Variants in KLF12 observed in about 807,000 individuals in gnomAD.
KLF12 encodes the protein Krueppel-like factor 12.
KLF12 carries 9 observed loss-of-function variants against 37.8 expected under a neutral mutation model. The ratio of observed to expected loss-of-function variants is 0.24; its 90% CI spans 0.14 to 0.42. KLF12 has a LOEUF of 0.42. Ranked by LOEUF, KLF12 falls within the 10% of genes least tolerant of loss-of-function variation. The pLI is 1.00. For synonymous variants in KLF12, 208 were observed against 202.1 expected (o/e 1.03, Z -0.25); for missense variants, 411 against 516.0 (o/e 0.80, Z 1.97).
chr13:74,112,670 T>C (rs908092452), intron 1 of KLF12, among the ~76,000 whole-genome samples: 4 of 152,160 alleles, frequency 2.6e-5, no homozygotes, highest in African/African-American at 9.7e-5. Flanking sequence ...GTGTGTGTTC[T>C]TACTGCTCCA....
rs10637379 is a variant in KLF12 at position 74,112,204 on chromosome 13, C to CTGTGTG, written c.-32+21529_-32+21534dup. The stretch of plus-strand genomic sequence containing the variant: ...TAAACGTTTATGTGTGTGTGTGCAT[C>CTGTGTG]TGTGTGTGTGTGTGTGTGTATGATA... On this transcript the variant is annotated intron_variant, in intron 1 of 7. Transcript: ENST00000377669. 6.7e-5 allele frequency among the ~76,000 whole-genome samples: 10 copies of CTGTGTG among 149,376 alleles called. No homozygotes were observed. In the East Asian group the frequency reaches 1.2e-3, roughly 17 times the overall value.
chr13:73,696,266 T>C (rs1874143186), intron 7 of KLF12, among the ~76,000 whole-genome samples: 1 of 152,122 alleles, frequency 6.6e-6, no homozygotes, highest in Non-Finnish European at 1.5e-5. Context: ...CTAGATGCCT[T>C]AATAGTGTAA....
rs148391760 is a variant in KLF12 at position 74,112,021 on chromosome 13, T to C, written c.-32+21718A>G. On this transcript the variant is annotated intron_variant, in intron 1 of 7. Transcript: ENST00000377669. ...TAATATCTGTTCTTTATAGCAAAAA[T>C]ACATGACTCTTCTGCAAAAAGAAAA... Among the ~76,000 whole-genome samples the C allele has an allele frequency of 4.4e-4, 67 of 152,324 alleles. 1 individual carries two copies. The East Asian group carries it at 0.013, about 29-fold the overall frequency.
In KLF12 at chr13:73,687,336, C is replaced by CTTTTTGTTT. The variant is rs1873553620; in HGVS notation, c.*8153_*8154insAAACAAAAA. The CTTTTTGTTT allele has an allele frequency of 6.6e-6, 1 of 152,606 alleles. No homozygotes were observed. Among genetic ancestry groups the CTTTTTGTTT allele is most frequent in the Admixed American group, 6.5e-5 (1 of 15,282 alleles). 9.5% of individuals were successfully genotyped at this position (152,606 alleles called of 1,614,324 possible). A position where few individuals can be genotyped will look rare whatever the true frequency, so the allele number is the denominator to read the frequency against. On this transcript the variant is annotated 3_prime_UTR_variant, in exon 8 of 8. Transcript: ENST00000377669. ...CATGAACAAAACAATACAGTCACTACCCCACAGGGGGACAGTGATTTTTCA... is the reference window on the plus strand; with the variant it reads ...CATGAACAAAACAATACAGTCACTACTTTTTGTTTCCCACAGGGGGACAGTGATTTTTCA...
At chr13:74,204,219 T>C in the KLF12 span, among the ~76,000 whole-genome samples, 2 of 152,196 alleles carry the variant, frequency 1.3e-5, no homozygotes, top group Admixed American at 6.5e-5. Flanking sequence ...TTGCTTAGCA[T>C]TGTTGCACAA....
chr13:73,963,387 T>C (rs551052122), intron 2 of KLF12, among the ~76,000 whole-genome samples: 1 of 152,114 alleles, frequency 6.6e-6, no homozygotes, highest in East Asian at 1.9e-4. Context: ...ATTATTTGTA[T>C]GTCCCTGAAA....
At chr13:74,256,945 G>C in the KLF12 span, 1 of 152,024 alleles carries the variant, frequency 6.6e-6, no homozygotes. Context: ...GTTATTCCGT[G>C]ACATCTTATC....
At chr13:74,061,255 T>C (rs557421483) in intron 1 of KLF12, among the ~76,000 whole-genome samples, 1 of 152,274 alleles carries the variant, frequency 6.6e-6, no homozygotes, top group Non-Finnish European at 1.5e-5. Flanking sequence ...GGCCCTGATA[T>C]GTTAGGTAAC....
intron 1 of KLF12, among the ~76,000 whole-genome samples, chr13:74,063,312 A>T (rs1873718961): frequency 6.6e-6 from 1 of 152,192 alleles, no homozygotes; most frequent in Non-Finnish European, 1.5e-5. Flanking sequence ...ACTTAATGCA[A>T]ACGTTTCAAA....
At chr13:73,774,378 A>G (rs1259311738) in intron 5 of KLF12, among the ~76,000 whole-genome samples, 2 of 151,912 alleles carry the variant, frequency 1.3e-5, no homozygotes, top group Admixed American at 1.3e-4. Context: ...CTGAAAAATG[A>G]TGTACCTTAA....
chr13:74,279,165 T>TG, the KLF12 span, among the ~76,000 whole-genome samples: 13 of 152,036 alleles, frequency 8.6e-5, no homozygotes, highest in Non-Finnish European at 1.5e-4. Flanking sequence ...TAAAATCCCC[T>TG]GGGGGAGAGT....
chr13:73,994,589 C>G (rs1056846310), intron 2 of KLF12, among the ~76,000 whole-genome samples: 1 of 151,964 alleles, frequency 6.6e-6, no homozygotes, highest in African/African-American at 2.4e-5. Flanking sequence ...CTGCATTTGA[C>G]AGCAATCATG....
the KLF12 span, among the ~76,000 whole-genome samples, chr13:74,202,967 A>G: frequency 6.6e-6 from 1 of 152,162 alleles, no homozygotes; most frequent in Non-Finnish European, 1.5e-5. Flanking sequence ...AATAACTGGT[A>G]AAGAACAGGA....
At chr13:73,970,637 C>T (rs1891304091) in intron 2 of KLF12, among the ~76,000 whole-genome samples, 1 of 152,162 alleles carries the variant, frequency 6.6e-6, no homozygotes, top group Admixed American at 6.5e-5. Context: ...CATGCTAGTG[C>T]TACCAGCTCC....
chr13:73,850,472 T>G (rs1462954865), intron 3 of KLF12, among the ~76,000 whole-genome samples: 1 of 152,206 alleles, frequency 6.6e-6, no homozygotes, highest in Non-Finnish European at 1.5e-5. Flanking sequence ...TGAATTTTAT[T>G]ACAGTCTGTC....
the KLF12 span, among the ~76,000 whole-genome samples, chr13:74,206,715 G>A: frequency 9.9e-5 from 15 of 152,236 alleles, no homozygotes; most frequent in African/African-American, 2.6e-4. Context: ...TGTCTTTCTC[G>A]CTGCGACAGC....
chr13:73,849,574 G>T (rs1455578961), intron 3 of KLF12, among the ~76,000 whole-genome samples: 3 of 151,982 alleles, frequency 2.0e-5, no homozygotes, highest in African/African-American at 7.3e-5. Flanking sequence ...ATTAGAGAAA[G>T]CGAGAGGAGA....
At chr13:73,859,279 C>T (rs573876009) in intron 3 of KLF12, among the ~76,000 whole-genome samples, 69 of 152,224 alleles carry the variant, frequency 4.5e-4, no homozygotes, top group African/African-American at 1.6e-3. Flanking sequence ...CTTTCTCTTC[C>T]GGTAAAGTTT....
chr13:73,826,129 C>A (rs527640570), intron 4 of KLF12, among the ~76,000 whole-genome samples: 2 of 152,076 alleles, frequency 1.3e-5, no homozygotes, highest in African/African-American at 2.4e-5. Flanking sequence ...CCCGCCACCA[C>A]GCCTGGCTAA....
Sources: allele counts gnomAD v4.1 joint callset (sites outside exome capture counted in the v4.1 genomes callset), GRCh38; gene constraint gnomAD v4.1.1; transcripts MANE v1.5; gene names NCBI Gene and HGNC (gene_info 2026-07-23, HGNC 2026-07-21).